Variants in PHF21B observed in about 807,000 individuals in gnomAD.
The protein encoded by PHF21B is PHD finger protein 21B, also known as PHD finger protein 4.
In PHF21B, 22 loss-of-function variants were observed where a neutral mutation model predicts 62.2. The ratio of observed to expected loss-of-function variants is 0.35; its 90% CI spans 0.25 to 0.51. The LOEUF (loss-of-function observed/expected upper bound fraction) is 0.51. Ranked by LOEUF, PHF21B falls within the 20% of genes least tolerant of loss-of-function variation. The pLI is 0.97. For missense variants in PHF21B, 701 were observed against 707.9 expected (o/e 0.99, Z 0.11); for synonymous variants, 341 against 314.7 (o/e 1.08, Z -0.88).
Position 44,913,840 on chromosome 22 carries a change from C to T in PHF21B, c.813G>A (p.Pro271=), listed in dbSNP as rs764805464. The part of the protein sequence containing the change: ...ATKKKKEDRP[P]TQENPEKIAF... Reference sequence around the variant, plus strand: ...GTCCTACCTCGGGGTTCTCCTGGGTCGGGGGCCGGTCTTCCTTCTTCTTTT... The same window carrying T: ...GTCCTACCTCGGGGTTCTCCTGGGTTGGGGGCCGGTCTTCCTTCTTCTTTT... The change falls in exon 5 of 13, where the codon CCG becomes CCA. Residue 271 remains proline (P), a synonymous_variant. Coordinates refer to ENST00000313237, the MANE Select transcript of PHF21B (RefSeq NM_138415.5). The T allele has an allele frequency of 6.8e-6, 11 of 1,613,220 alleles. No homozygotes were observed. The highest frequency in any genetic ancestry group is 3.3e-5 in the South Asian group (3 of 90,966).
At chr22:44,986,288 C>T (rs935132318) in intron 2 of PHF21B, among the ~76,000 whole-genome samples, 1 of 151,294 alleles carries the variant, frequency 6.6e-6, no homozygotes, top group Admixed American at 6.6e-5. Context: ...TGAGCACCAC[C>T]GCCACTACCA....
At position 44,952,385 on chromosome 22, in the gene PHF21B, G is replaced by C. The variant is rs1401951716; in HGVS notation, c.121-31895C>G. 3.3e-5 allele frequency among the ~76,000 whole-genome samples: 5 copies of C among 152,216 alleles called. 1 individual carries two copies. The highest frequency in any genetic ancestry group is 3.3e-4 in the Admixed American group (5 of 15,268). On this transcript the variant is annotated intron_variant, in intron 2 of 12. Coordinates refer to ENST00000313237, the MANE Select transcript of PHF21B (RefSeq NM_138415.5). ...TAGAACCAACATGCATGCAACGTGA[G>C]AGAAACTGTTCAGTTCACTGTGGCA...
At chr22:44,884,493 ACCATCG>A (rs1282447920) in intron 12 of PHF21B, among the ~76,000 whole-genome samples, 1 of 150,292 alleles carries the variant, frequency 6.7e-6, no homozygotes, top group East Asian at 2.0e-4. Context: ...CACCATGATC[ACCATCG>A]TCACCACCAC....
intron 2 of PHF21B, among the ~76,000 whole-genome samples, chr22:45,004,461 G>A (rs2073277642): frequency 6.6e-6 from 1 of 152,226 alleles, no homozygotes; most frequent in African/African-American, 2.4e-5. Context: ...GCTAGGCCTT[G>A]CTGTCCCATT....
intron 2 of PHF21B, among the ~76,000 whole-genome samples, chr22:44,992,965 G>A (rs2073065129): frequency 6.6e-6 from 1 of 152,178 alleles, no homozygotes; most frequent in Admixed American, 6.5e-5. Context: ...AAAGAGCTGA[G>A]CTTTTACCCA....
chr22:44,993,431 C>G (rs2073072426), intron 2 of PHF21B, among the ~76,000 whole-genome samples: 3 of 152,248 alleles, frequency 2.0e-5, no homozygotes, highest in African/African-American at 7.2e-5. Context: ...CGGCTCCATC[C>G]TCCCACCCGC....
At chr22:44,989,712 C>A (rs886071194) in intron 2 of PHF21B, among the ~76,000 whole-genome samples, 1 of 146,486 alleles carries the variant, frequency 6.8e-6, no homozygotes, top group Non-Finnish European at 1.5e-5. Flanking sequence ...CAGGTTCAAG[C>A]GATTCTCGTG....
At chr22:44,887,066 G>A (rs1425869167) in intron 10 of PHF21B, among the ~76,000 whole-genome samples, 5 of 148,216 alleles carry the variant, frequency 3.4e-5, no homozygotes, top group African/African-American at 1.3e-4. Context: ...TGAAGCAGGA[G>A]AATCGCTTGA....
chr22:44,911,408 C>T (rs1019913137), intron 5 of PHF21B, among the ~76,000 whole-genome samples: 1 of 152,116 alleles, frequency 6.6e-6, no homozygotes, highest in African/African-American at 2.4e-5. Context: ...CCATTGTAGG[C>T]CTAGAGGTTT....
intron 5 of PHF21B, among the ~76,000 whole-genome samples, chr22:44,905,008 G>T (rs2147280193): frequency 6.6e-6 from 1 of 152,188 alleles, no homozygotes; most frequent in South Asian, 2.1e-4. Flanking sequence ...CTTTATCTTT[G>T]ACATGAATCT....
intron 2 of PHF21B, among the ~76,000 whole-genome samples, chr22:44,944,429 A>G (rs973280942): frequency 2.0e-5 from 3 of 152,144 alleles, no homozygotes; most frequent in African/African-American, 4.8e-5. Context: ...GGTCATCTGA[A>G]GCACCCTCTG....
intron 5 of PHF21B, chr22:44,901,755 C>T: frequency 3.0e-6 from 1 of 336,814 alleles, no homozygotes; most frequent in Non-Finnish European, 5.5e-6. Flanking sequence ...TATTCCCAAT[C>T]TGCTACATAT....
At chr22:45,007,744 C>A (rs1232438616) in intron 2 of PHF21B, among the ~76,000 whole-genome samples, 1 of 56,532 alleles carries the variant, frequency 1.8e-5, no homozygotes, top group East Asian at 5.0e-4. Context: ...GGGGAGGGGG[C>A]GCGGCGGGGG....
chr22:45,003,300 C>G (rs2073253381), intron 2 of PHF21B: 1 of 152,172 alleles, frequency 6.6e-6, no homozygotes, highest in Admixed American at 6.5e-5. Flanking sequence ...AGGGAGCTTA[C>G]AGTCTAGCAC....
intron 2 of PHF21B, among the ~76,000 whole-genome samples, chr22:44,957,156 C>T (rs1484986324): frequency 2.6e-5 from 4 of 152,212 alleles, no homozygotes; most frequent in Non-Finnish European, 5.9e-5. Flanking sequence ...CCTGTGGCCT[C>T]CCTGGCTGTG....
At position 45,009,080 on chromosome 22, in the gene PHF21B, G is replaced by T; in HGVS notation, c.54+416C>A. ...CCGGCCGCCACGCCGCCGCTCGCCA[G>T]CAGCGATCGCCAAAACTACTTCTGC... On this transcript the variant is annotated intron_variant, in intron 1 of 12. Transcript: ENST00000313237. The surrounding 1 kb of genome is among the most constrained non-coding windows in gnomAD (Gnocchi z 5.9). The T allele has an allele frequency of 1.8e-6, 2 of 1,099,094 alleles. No homozygotes were observed. Among genetic ancestry groups the T allele is most frequent in the Non-Finnish European group, 1.1e-6 (1 of 890,006 alleles). 68.1% of individuals were successfully genotyped at this position (1,099,094 alleles called of 1,614,324 possible).
chr22:44,893,545 C>T lies in PHF21B; in HGVS notation c.884-12G>A, dbSNP rs777536877. The stretch of plus-strand genomic sequence containing the variant: ...CTTGCTCTGGATTTCTGGAAAGGCA[C>T]AGACACAGCAGTTACTGGGTCCTGC... On this transcript the variant is annotated splice_polypyrimidine_tract_variant and intron_variant, in intron 6 of 12. Transcript: ENST00000313237. The T allele has an allele frequency of 6.3e-7, 1 of 1,590,046 alleles. No homozygotes were observed. Among genetic ancestry groups the T allele is most frequent in the Non-Finnish European group, 8.6e-7 (1 of 1,167,720 alleles).
At chr22:44,897,688 G>A (rs1451576759) in intron 5 of PHF21B, among the ~76,000 whole-genome samples, 1 of 152,270 alleles carries the variant, frequency 6.6e-6, no homozygotes, top group African/African-American at 2.4e-5. Flanking sequence ...CAGATTTACA[G>A]GGAAGTTGCA....
chr22:44,990,105 C>A (rs1226643211), intron 2 of PHF21B, among the ~76,000 whole-genome samples: 1 of 152,206 alleles, frequency 6.6e-6, no homozygotes, highest in Non-Finnish European at 1.5e-5. Context: ...CTGGGGGAAG[C>A]CAGCAGAGAG....
Sources: gnomAD v4.1 joint callset for allele counts (sites outside exome capture counted in the v4.1 genomes callset) on GRCh38, gnomAD v4.1.1 for gene constraint, Gnocchi (gnomAD v3.1) non-coding constraint, MANE v1.5 for transcripts, NCBI Gene and HGNC (gene_info 2026-07-23, HGNC 2026-07-21) for gene names.